ASIC2: variants seen among roughly 807,000 people sequenced by gnomAD.
The protein encoded by ASIC2 is acid sensing ion channel subunit 2, also known as acid-sensing ion channel 2.
ASIC2 carries 25 observed loss-of-function variants against 57.3 expected under a neutral mutation model. That is an observed-to-expected ratio of 0.44 (90% CI 0.32 to 0.61). ASIC2 has a LOEUF of 0.61. ASIC2 is among the 20% of genes least tolerant of loss of function. The probability of loss-of-function intolerance (pLI) is 0.06; values close to 1 mark genes in which losing one functional copy is unlikely to be tolerated. For synonymous variants in ASIC2, 319 were observed against 307.5 expected (o/e 1.04, Z -0.39); for missense variants, 641 against 738.1 (o/e 0.87, Z 1.52).
intron 1 of ASIC2, among the ~76,000 whole-genome samples, chr17:33,574,119 T>C (rs1040717553): frequency 8.5e-5 from 13 of 152,230 alleles, no homozygotes; most frequent in Admixed American, 6.5e-4. Context: ...TATCTTTGAC[T>C]TAACTAAATA....
rs187060017 is a variant in ASIC2, at chr17:33,159,274, C to T, written c.709-47207G>A. ...CACTTCAACGATGCATCATCTATCT[C>T]CCTTCCTAAGGCAAATCTTTCTCTA... On this transcript the variant is annotated intron_variant, in intron 1 of 9. Transcript: ENST00000225823. Among the ~76,000 whole-genome samples the T allele has an allele frequency of 3.7e-3, 562 of 152,298 alleles. 3 individuals carry two copies. The highest frequency in any genetic ancestry group is 4.3e-3 in the Non-Finnish European group (293 of 68,016).
chr17:33,441,025 G>A (rs1911805799), intron 1 of ASIC2, among the ~76,000 whole-genome samples: 1 of 152,018 alleles, frequency 6.6e-6, no homozygotes, highest in South Asian at 2.1e-4. Context: ...CTGGAATGGA[G>A]TGGTGTGATC....
chr17:33,456,370 G>A (rs917279807), intron 1 of ASIC2, among the ~76,000 whole-genome samples: 47 of 151,288 alleles, frequency 3.1e-4, no homozygotes, highest in African/African-American at 1.1e-3. Flanking sequence ...CTCCCAAATA[G>A]CCCCCAGGAT....
intron 1 of ASIC2, among the ~76,000 whole-genome samples, chr17:33,339,076 GT>G (rs994298385): frequency 1.3e-5 from 2 of 151,986 alleles, no homozygotes; most frequent in African/African-American, 4.8e-5. Flanking sequence ...TATGTCTTGT[GT>G]TTTTTACCAC....
chr17:33,036,360 C>T (rs567185443), intron 3 of ASIC2, among the ~76,000 whole-genome samples: 15 of 152,214 alleles, frequency 9.9e-5, no homozygotes, highest in African/African-American at 3.4e-4. Context: ...TGCCACAATG[C>T]CCCATAGGTC....
rs539944901 is a variant in ASIC2, at chr17:34,102,479, C to T, written c.555+53499G>A. On this transcript the variant is annotated intron_variant, in intron 1 of 9. Coordinates refer to the ASIC2 transcript ENST00000359872. ...GCTGAAACTCCTCTTCCCCTCCTGCCACCTCACACCCCAGAAAACCATCAT... is the reference window on the plus strand; with the variant it reads ...GCTGAAACTCCTCTTCCCCTCCTGCTACCTCACACCCCAGAAAACCATCAT... Among the ~76,000 whole-genome samples the T allele has an allele frequency of 2.8e-3, 425 of 152,268 alleles. 4 individuals are homozygous for T. Among genetic ancestry groups the T allele is most frequent in the African/African-American group, 9.8e-3 (407 of 41,560 alleles).
intron 1 of ASIC2, among the ~76,000 whole-genome samples, chr17:33,997,378 T>C (rs1205572292): frequency 7.0e-6 from 1 of 142,800 alleles, no homozygotes; most frequent in Non-Finnish European, 1.5e-5. Context: ...GGTCTCAAAC[T>C]GCTGAGCTCA....
chr17:33,412,400 G>C (rs559604031), intron 1 of ASIC2, among the ~76,000 whole-genome samples: 1 of 152,286 alleles, frequency 6.6e-6, no homozygotes, highest in East Asian at 1.9e-4. Context: ...CTTACTGTGA[G>C]ACTTCATGGG....
At chr17:33,154,899 G>A (rs1183901925) in intron 1 of ASIC2, among the ~76,000 whole-genome samples, 2 of 152,222 alleles carry the variant, frequency 1.3e-5, no homozygotes, top group Non-Finnish European at 2.9e-5. Flanking sequence ...GGCTGGAAGA[G>A]GAGTTGAAAC....
intron 1 of ASIC2, among the ~76,000 whole-genome samples, chr17:33,765,024 C>T (rs1337443938): frequency 7.2e-6 from 1 of 138,724 alleles, no homozygotes; most frequent in Non-Finnish European, 1.5e-5. Context: ...TTGCTCTTCT[C>T]CTAGATAGTC....
chr17:33,021,170 TC>T (rs1567718657), intron 7 of ASIC2, 48 bp downstream of exon 7: 4 of 506,862 alleles, frequency 7.9e-6, no homozygotes, highest in Non-Finnish European at 7.7e-6. Flanking sequence ...CCTCCCTCCC[TC>T]CCACCCTCTA....
intron 2 of ASIC2, among the ~76,000 whole-genome samples, chr17:33,096,548 C>T (rs1173274790): frequency 6.6e-6 from 1 of 152,164 alleles, no homozygotes; most frequent in East Asian, 1.9e-4. Flanking sequence ...CTGTGGAGAC[C>T]CCTATCCAGC....
At chr17:33,567,717 C>T (rs770864123) in intron 1 of ASIC2, among the ~76,000 whole-genome samples, 5 of 152,028 alleles carry the variant, frequency 3.3e-5, no homozygotes, top group Non-Finnish European at 5.9e-5. Flanking sequence ...TACATGGAGG[C>T]ACCTTTTACT....
chr17:33,076,128 T>TA (rs1310868343), intron 3 of ASIC2, among the ~76,000 whole-genome samples: 63 of 152,160 alleles, frequency 4.1e-4, no homozygotes, highest in Admixed American at 4.1e-3. Context: ...CTGTGGTCTC[T>TA]AATCCCAGGT....
At chr17:33,480,844 C>T (rs1913381264) in intron 1 of ASIC2, among the ~76,000 whole-genome samples, 2 of 152,310 alleles carry the variant, frequency 1.3e-5, no homozygotes, top group African/African-American at 4.8e-5. Flanking sequence ...CCAGGAGAGG[C>T]TCCACCTGCA....
chr17:33,721,644 C>T (rs1231666485), intron 1 of ASIC2, among the ~76,000 whole-genome samples: 1 of 152,224 alleles, frequency 6.6e-6, no homozygotes. Context: ...GTCTCAGCCT[C>T]CTGAGTATCT....
At chr17:33,749,916 A>AG (rs1235711085) in intron 1 of ASIC2, among the ~76,000 whole-genome samples, 1 of 152,170 alleles carries the variant, frequency 6.6e-6, no homozygotes, top group African/African-American at 2.4e-5. Flanking sequence ...CTGTGCTGCC[A>AG]GTGAGCCTCA....
intron 1 of ASIC2, among the ~76,000 whole-genome samples, chr17:34,106,847 A>C (rs953609660): frequency 6.6e-6 from 1 of 152,144 alleles, no homozygotes; most frequent in Non-Finnish European, 1.5e-5. Context: ...GAAAAGTCCT[A>C]GTTTCTTTAA....
At chr17:33,526,361 C>T (rs1359488544) in intron 1 of ASIC2, among the ~76,000 whole-genome samples, 3 of 152,134 alleles carry the variant, frequency 2.0e-5, no homozygotes, top group Non-Finnish European at 2.9e-5. Context: ...TCTTACTAGT[C>T]ATGTCTCCCT....
Sources: allele counts gnomAD v4.1 joint callset (sites outside exome capture counted in the v4.1 genomes callset), GRCh38; gene constraint gnomAD v4.1.1; transcripts MANE v1.5; gene names NCBI Gene and HGNC (gene_info 2026-07-23, HGNC 2026-07-21).